The following GREB1L variants were observed in gnomAD, a reference collection of about 807,000 sequenced individuals.
The protein encoded by GREB1L is GREB1 like retinoic acid receptor coactivator, also known as GREB1-like protein.
A neutral mutation model predicts 200.8 loss-of-function variants in GREB1L; 17 were observed. The ratio of observed to expected loss-of-function variants is 0.08; its 90% CI spans 0.06 to 0.13. GREB1L has a LOEUF of 0.13. GREB1L is among the 10% of genes least tolerant of loss of function. The pLI, the probability that GREB1L is intolerant of heterozygous loss-of-function variation, is 1.00. For synonymous variants in GREB1L, 789 were observed against 893.0 expected (o/e 0.88, Z 2.08); for missense variants, 1,657 against 2,367.7 (o/e 0.70, Z 6.23).
chr18:21,284,290 ATCACCC>A (rs1441866221), intron 1 of GREB1L, among the ~76,000 whole-genome samples: 1 of 152,212 alleles, frequency 6.6e-6, no homozygotes, highest in Non-Finnish European at 1.5e-5. Flanking sequence ...GAACGTTTTT[ATCACCC>A]TCCAAAAGAA....
In GREB1L at chr18:21,501,979, G is replaced by C. The variant is rs78148838; in HGVS notation, c.4072+1337G>C. On this transcript the variant is annotated intron_variant, in intron 23 of 32. Coordinates refer to ENST00000424526, the MANE Select transcript of GREB1L (RefSeq NM_001142966.3). ...GAGCAGTGTGGCTCGGCTCGGCACT[G>C]GCACGGTGCAGTAGCTCACGCCTGT... Among the ~76,000 whole-genome samples the C allele has an allele frequency of 2.0e-4, 30 of 152,326 alleles. 1 individual carries two copies. In the East Asian group the frequency reaches 5.8e-3, roughly 29 times the overall value.
chr18:21,334,645 A>C (rs1225901610), intron 1 of GREB1L, among the ~76,000 whole-genome samples: 2 of 152,056 alleles, frequency 1.3e-5, no homozygotes, highest in African/African-American at 4.8e-5. Context: ...ATAGTGGCAC[A>C]CGCCTGTACT....
In GREB1L at chr18:21,499,711, C is replaced by A; in HGVS notation, c.3392-18C>A. On this transcript the variant is annotated intron_variant, in intron 21 of 32. Transcript: ENST00000424526. ...TAACAGAGCTGCTGTGGGGTGGGTT[C>A]TGTCTGTTCTCTCACAGGTTCCATC... is the stretch of plus-strand genomic sequence containing the variant. 6.5e-7 allele frequency: 1 copy of A among 1,529,738 alleles called. No homozygotes were observed. Among genetic ancestry groups the A allele is most frequent in the Non-Finnish European group, 8.9e-7 (1 of 1,127,856 alleles). 94.8% of individuals were successfully genotyped at this position (1,529,738 alleles called of 1,614,324 possible).
At chr18:21,400,697 G>T (rs986782622) in intron 5 of GREB1L, among the ~76,000 whole-genome samples, 1 of 152,176 alleles carries the variant, frequency 6.6e-6, no homozygotes, top group African/African-American at 2.4e-5. Flanking sequence ...TGGGTCAGAC[G>T]GTGGGCCACA....
intron 13 of GREB1L, among the ~76,000 whole-genome samples, chr18:21,451,782 C>T (rs1035084255): frequency 6.6e-6 from 1 of 151,964 alleles, no homozygotes; most frequent in Non-Finnish European, 1.5e-5. Flanking sequence ...AGGCATGAAC[C>T]ACTGCGCCCA....
intron 1 of GREB1L, among the ~76,000 whole-genome samples, chr18:21,355,516 A>C (rs1032154156): frequency 6.6e-5 from 10 of 152,156 alleles, no homozygotes; most frequent in African/African-American, 2.4e-4. Context: ...TTTATTGATC[A>C]CACAAGTCAG....
intron 20 of GREB1L, 99 bp from the exon 21 acceptor site, chr18:21,496,355 A>G: frequency 5.9e-6 from 8 of 1,345,126 alleles, no homozygotes; most frequent in Non-Finnish European, 8.1e-6. Context: ...GAAACCTATG[A>G]TTTTAACTGC....
intron 2 of GREB1L, among the ~76,000 whole-genome samples, chr18:21,381,833 G>A (rs927095639): frequency 1.2e-4 from 18 of 152,158 alleles, no homozygotes; most frequent in Non-Finnish European, 2.4e-4. Flanking sequence ...TAAAAAGAAG[G>A]TCTTTTGCCC....
chr18:21,497,821 C>CCTT (rs1555659432), intron 21 of GREB1L, among the ~76,000 whole-genome samples: 11 of 80,992 alleles, frequency 1.4e-4, no homozygotes, highest in Non-Finnish European at 3.1e-4. Flanking sequence ...ACCCCCCCCC[C>CCTT]TTTTTTTTTT....
At chr18:21,334,491 GA>G (rs1243737571) in intron 1 of GREB1L, among the ~76,000 whole-genome samples, 1 of 152,176 alleles carries the variant, frequency 6.6e-6, no homozygotes, top group African/African-American at 2.4e-5. Flanking sequence ...AGAGGGAATT[GA>G]TGATTCTGTT....
intron 1 of GREB1L, among the ~76,000 whole-genome samples, chr18:21,326,520 G>A (rs777448548): frequency 5.3e-5 from 8 of 152,094 alleles, no homozygotes; most frequent in Non-Finnish European, 8.8e-5. Flanking sequence ...AGTCCTCCCC[G>A]ACTCTCAGCA....
chr18:21,520,568 CT>C, intron 31 of GREB1L, 119 bp from the exon 32 acceptor site: 1 of 1,129,500 alleles, frequency 8.9e-7, no homozygotes, highest in Non-Finnish European at 1.3e-6. Flanking sequence ...TTGGAAAAAA[CT>C]CATCTCCTTT....
At chr18:21,448,481 C>T (rs1328867535) in intron 11 of GREB1L, among the ~76,000 whole-genome samples, 1 of 152,172 alleles carries the variant, frequency 6.6e-6, no homozygotes, top group Non-Finnish European at 1.5e-5. Flanking sequence ...AGGAATGGGT[C>T]TGACTCATTT....
Position 21,351,158 on chromosome 18 carries a change from T to C in GREB1L, c.-119-14869T>C, listed in dbSNP as rs554095729. ...AATAGGTTTTTTTCCTTCTTGTCTC[T>C]TTCTCCCTCTATTCTACTGTTTTGC... On this transcript the variant is annotated intron_variant, in intron 1 of 32. Transcript: ENST00000424526. Among the ~76,000 whole-genome samples the C allele has an allele frequency of 5.3e-5, 8 of 152,354 alleles. No homozygotes were observed. In the East Asian group the frequency reaches 1.5e-3, roughly 29 times the overall value.
chr18:21,260,892 C>CT (rs2037879281), intron 1 of GREB1L, among the ~76,000 whole-genome samples: 1 of 151,774 alleles, frequency 6.6e-6, no homozygotes, highest in East Asian at 1.9e-4. Flanking sequence ...TAGTCATTTT[C>CT]TTTTTTTCAT....
chr18:21,516,580 C>A (rs533602610), intron 29 of GREB1L, 33 bp from the exon 30 acceptor site: 1 of 1,543,434 alleles, frequency 6.5e-7, no homozygotes. Flanking sequence ...GATATGCCAG[C>A]GGAAGAAAAC....
chr18:21,331,442 C>T (rs1164867015), intron 1 of GREB1L, among the ~76,000 whole-genome samples: 1 of 152,166 alleles, frequency 6.6e-6, no homozygotes, highest in African/African-American at 2.4e-5. Flanking sequence ...ACAGCTTTCT[C>T]ATTGGGTAAA....
chr18:21,319,853 A>G (rs1371537062), intron 1 of GREB1L, among the ~76,000 whole-genome samples: 1 of 152,226 alleles, frequency 6.6e-6, no homozygotes, highest in East Asian at 1.9e-4. Flanking sequence ...TAGGTGTGCA[A>G]ACTAATGCAA....
At chr18:21,463,470 T>A (rs2035141271) in intron 15 of GREB1L, among the ~76,000 whole-genome samples, 1 of 152,138 alleles carries the variant, frequency 6.6e-6, no homozygotes, top group Non-Finnish European at 1.5e-5. Context: ...AAACCAGGGT[T>A]CTCAAATGAA....
Sources: allele counts gnomAD v4.1 joint callset (sites outside exome capture counted in the v4.1 genomes callset), GRCh38; gene constraint gnomAD v4.1.1; transcripts MANE v1.5; gene names NCBI Gene and HGNC (gene_info 2026-07-23, HGNC 2026-07-21).